Variants in TUBA8 observed in about 807,000 individuals in gnomAD.
The protein encoded by TUBA8 is tubulin alpha 8, also known as tubulin alpha-8 chain.
A neutral mutation model predicts 34.7 loss-of-function variants in TUBA8; 29 were observed. The ratio of observed to expected loss-of-function variants is 0.84; its 90% CI spans 0.62 to 1.14. TUBA8 has a LOEUF of 1.14. TUBA8 is among the 50% of genes most tolerant of loss of function. The probability of loss-of-function intolerance (pLI) is 0.00; values close to 1 mark genes in which losing one functional copy is unlikely to be tolerated. For synonymous variants in TUBA8, 226 were observed against 231.2 expected (o/e 0.98, Z 0.21); for missense variants, 541 against 599.2 (o/e 0.90, Z 1.01).
At position 18,131,430 on chromosome 22, in the gene TUBA8, A is replaced by C; in HGVS notation, c.*294A>C. On this transcript the variant is annotated 3_prime_UTR_variant, in exon 5 of 5. Transcript: ENST00000330423. This position sits in a 1 kb window ranked among gnomAD's most constrained non-coding sequence, Gnocchi z 5.3. ...GCGAGGAGGCCTAATCAGGAGTTTC[A>C]ATTCCAGATCGGGCTGGGTCCAGCC... 2 of 407,504 alleles carry C rather than the reference A, an allele frequency of 4.9e-6. No homozygotes were observed. Among genetic ancestry groups the C allele is most frequent in the Non-Finnish European group, 9.2e-6 (2 of 218,282 alleles). 25.2% of individuals were successfully genotyped at this position (407,504 alleles called of 1,614,324 possible).
chr22:18,117,195 A>G (rs936942987), intron 1 of TUBA8: 1 of 152,200 alleles, frequency 6.6e-6, no homozygotes, highest in African/African-American at 2.4e-5. Context: ...TGATTTTTCC[A>G]TCTGTTATTT....
Position 18,126,232 on chromosome 22 carries a change from C to T in TUBA8, c.376-122C>T. On this transcript the variant is annotated intron_variant, in intron 3 of 4. Transcript: ENST00000330423. The surrounding 1 kb of genome is among the most constrained non-coding windows in gnomAD (Gnocchi z 4.0). Reference sequence around the variant, plus strand: ...CTTTTGTTTCCTTACTTCTTCAAAGCTGTTTTGATTTCATCCACAAAAAAA... The same window carrying T: ...CTTTTGTTTCCTTACTTCTTCAAAGTTGTTTTGATTTCATCCACAAAAAAA... The T allele has an allele frequency of 2.1e-6, 2 of 930,566 alleles. No individual in the cohort carries two copies. Among genetic ancestry groups the T allele is most frequent in the South Asian group, 1.4e-5 (1 of 70,662 alleles). The allele number at this position is 930,566 out of a possible 1,614,324, so 57.6% of individuals were successfully genotyped here. A position where few individuals can be genotyped will look rare whatever the true frequency, so the allele number is the denominator to read the frequency against.
rs902770473 is a variant in TUBA8 at position 18,124,150 on chromosome 22, T to C, written c.227-6T>C. ...GTAGGACCTAATGGTCTTCCTCTCTTGGAAGATGAGGTTCGGGCAGGAACC... is the reference window on the plus strand; with the variant it reads ...GTAGGACCTAATGGTCTTCCTCTCTCGGAAGATGAGGTTCGGGCAGGAACC... On this transcript the variant is annotated splice_region_variant and splice_polypyrimidine_tract_variant and intron_variant, in intron 2 of 4. Coordinates refer to ENST00000330423, the MANE Select transcript of TUBA8 (RefSeq NM_018943.3). The surrounding 1 kb of genome is among the most constrained non-coding windows in gnomAD (Gnocchi z 4.3). 3.1e-6 allele frequency: 5 copies of C among 1,614,010 alleles called. No individual in the cohort carries two copies. The African/African-American group carries it at 6.7e-5, about 22-fold the overall frequency.
chr22:18,124,359 C>G lies in TUBA8; in HGVS notation c.375+55C>G. 1 of 1,575,172 alleles carries G rather than the reference C, an allele frequency of 6.3e-7. No individual in the cohort carries two copies. Among genetic ancestry groups the G allele is most frequent in the Non-Finnish European group, 8.6e-7 (1 of 1,157,932 alleles). Reference sequence around the variant, plus strand: ...GTCAGGCTGGAGTGGACAGGCTTGGCCCCATGCCTCTTTGATCAGGCTAGG... The same window carrying G: ...GTCAGGCTGGAGTGGACAGGCTTGGGCCCATGCCTCTTTGATCAGGCTAGG... On this transcript the variant is annotated intron_variant, in intron 3 of 4. Transcript: ENST00000330423. This position sits in a 1 kb window ranked among gnomAD's most constrained non-coding sequence, Gnocchi z 4.3.
chr22:18,112,227 A>G (rs2123690561), intron 1 of TUBA8: 1 of 152,340 alleles, frequency 6.6e-6, no homozygotes, highest in South Asian at 2.1e-4. Flanking sequence ...CTTAGATTTC[A>G]TTATTTTTAA....
chr22:18,126,714 G>A lies in TUBA8; in HGVS notation c.736G>A (p.Gly246Arg), dbSNP rs185024084. The A allele has an allele frequency of 5.0e-5, 80 of 1,613,970 alleles. No individual in the cohort carries two copies. In the East Asian group the frequency reaches 6.0e-4, roughly 12 times the overall value. Residue 246 changes from glycine (G) to arginine (R), a missense_variant, in exon 4 of 5, where the codon GGG becomes AGG. Transcript: ENST00000330423. This position sits in a 1 kb window ranked among gnomAD's most constrained non-coding sequence, Gnocchi z 4.0. Reference sequence around the variant, plus strand: ...AATCACTGCTTCTCTCCGCTTTGACGGGGCCCTCAATGTGGACCTCACTGA... The same window carrying A: ...AATCACTGCTTCTCTCCGCTTTGACAGGGCCCTCAATGTGGACCTCACTGA... ...SSITASLRFD[G>R]ALNVDLTEFQ...
rs188943196 is a variant in TUBA8, at chr22:18,121,440, C to A, written c.4-39C>A. 1.9e-6 allele frequency: 3 copies of A among 1,576,400 alleles called. No homozygotes were observed. Among genetic ancestry groups the A allele is most frequent in the African/African-American group, 2.7e-5 (2 of 74,308 alleles). ...ATGTAGGGCAAAGGCATGCTGGGGGCCCAGACTCTCTGACCTCGTTGCTTC... is the reference window on the plus strand; with the variant it reads ...ATGTAGGGCAAAGGCATGCTGGGGGACCAGACTCTCTGACCTCGTTGCTTC... On this transcript the variant is annotated intron_variant, in intron 1 of 4. Transcript: ENST00000330423. The surrounding 1 kb of genome is among the most constrained non-coding windows in gnomAD (Gnocchi z 4.8).
chr22:18,115,503 A>T (rs1927939611), intron 1 of TUBA8: 1 of 152,238 alleles, frequency 6.6e-6, no homozygotes, highest in East Asian at 1.9e-4. Flanking sequence ...GGTACTGGGG[A>T]TTCCTTGAGT....
rs892097102 is a variant in TUBA8, at chr22:18,127,013, C to A, written c.1035C>A (p.Asp345Glu). The A allele has an allele frequency of 1.2e-6, 2 of 1,614,002 alleles. No homozygotes were observed. The highest frequency in any genetic ancestry group is 2.7e-5 in the African/African-American group (2 of 74,884). ...CCAAGAGGACCATCCAGTTTGTAGA[C>A]TGGTGTCCCACAGGCTTCAAGGTGA... ...IKTKRTIQFV[D>E]WCPTGFKVGI... The change falls in exon 4 of 5, where the codon GAC (aspartate) becomes GAA (glutamate). Residue 345 changes from aspartate (D) to glutamate (E), a missense_variant. Asp to Glu is a conservative substitution (Grantham distance 45, BLOSUM62 2). Transcript: ENST00000330423.
At position 18,118,549 on chromosome 22, in the gene TUBA8, C is replaced by T. The variant is rs5992178; in HGVS notation, c.4-2930C>T. 2.6e-5 allele frequency: 4 copies of T among 152,222 alleles called. No individual in the cohort carries two copies. The highest frequency in any genetic ancestry group is 9.7e-5 in the African/African-American group (4 of 41,446). The allele number at this position is 152,222 out of a possible 1,614,324, so 9.4% of individuals were successfully genotyped here. A position where few individuals can be genotyped will look rare whatever the true frequency, so the allele number is the denominator to read the frequency against. ...TTCCAGGCTCATCTAGCACACTCCC[C>T]ACCCTGGACCTGGACGCCTCCGTCT... On this transcript the variant is annotated intron_variant, in intron 1 of 4. Transcript: ENST00000330423. This position sits in a 1 kb window ranked among gnomAD's most constrained non-coding sequence, Gnocchi z 4.0.
rs141819958 is a variant in TUBA8, at chr22:18,126,420, G to T, written c.442G>T (p.Gly148Cys). ...CAGTTTTGGTGGGGGCACTGGCTCC[G>T]GCTTCACTTCTCTGCTGATGGAACG... The part of the protein sequence containing the change: ...FHSFGGGTGS[G>C]FTSLLMERLS... The change falls in exon 4 of 5, where the codon GGC (glycine) becomes TGC (cysteine). Residue 148 changes from glycine to cysteine, a missense_variant. Coordinates refer to ENST00000330423, the MANE Select transcript of TUBA8 (RefSeq NM_018943.3). This position sits in a 1 kb window ranked among gnomAD's most constrained non-coding sequence, Gnocchi z 4.0. 1 of 1,614,056 alleles carries T rather than the reference G, an allele frequency of 6.2e-7. No individual in the cohort carries two copies. Among genetic ancestry groups the T allele is most frequent in the Non-Finnish European group, 8.5e-7 (1 of 1,180,000 alleles).
Position 18,126,641 on chromosome 22 carries a change from CCCTACCTATA to C in TUBA8, c.666_675del (p.Tyr224SerfsTer65). 1 of 1,614,116 alleles carries C rather than the reference CCCTACCTATA, an allele frequency of 6.2e-7. No individual in the cohort carries two copies. Among genetic ancestry groups the C allele is most frequent in the South Asian group, 1.1e-5 (1 of 91,060 alleles). On this transcript the variant is annotated frameshift_variant, in exon 4 of 5. Transcript: ENST00000330423. LOFTEE classifies it high-confidence loss of function. This position sits in a 1 kb window ranked among gnomAD's most constrained non-coding sequence, Gnocchi z 4.0. ...GCCGCAGGAACCTTGACATTGAGCG[CCCTACCTATA>C]CCAACCTCAACCGCCTCATCAGTCA... is the stretch of plus-strand genomic sequence containing the variant.
rs200580320 is a variant in TUBA8, at chr22:18,126,488, C to T, written c.510C>T (p.Ala170=). Residue 170 remains alanine, a synonymous_variant, in exon 4 of 5, where the codon GCC becomes GCT. Transcript: ENST00000330423. This position sits in a 1 kb window ranked among gnomAD's most constrained non-coding sequence, Gnocchi z 4.0. ...DYGKKSKLEF[A]IYPAPQVSTA... ...GCAAGAAATCCAAGCTGGAGTTTGC[C>T]ATCTACCCAGCCCCCCAGGTCTCTA... 147 of 1,613,990 alleles carry T rather than the reference C, an allele frequency of 9.1e-5. No individual in the cohort carries two copies. The highest frequency in any genetic ancestry group is 1.2e-4 in the Non-Finnish European group (140 of 1,180,032).
chr22:18,111,185 G>T lies in TUBA8; in HGVS notation c.3+317G>T. On this transcript the variant is annotated intron_variant, in intron 1 of 4. Coordinates refer to ENST00000330423, the MANE Select transcript of TUBA8 (RefSeq NM_018943.3). This position sits in a 1 kb window ranked among gnomAD's most constrained non-coding sequence, Gnocchi z 5.1. ...GCGAGATTCTGGGGTCCCCAGATGG[G>T]CAGCCTGTGGACAGAGTGGAGAGAA... The T allele has an allele frequency of 1.9e-6, 1 of 539,008 alleles. No individual in the cohort carries two copies. Among genetic ancestry groups the T allele is most frequent in the African/African-American group, 1.9e-5 (1 of 51,826 alleles). The allele number at this position is 539,008 out of a possible 1,614,324, so 33.4% of individuals were successfully genotyped here.
Position 18,127,027 on chromosome 22 carries a change from G to A in TUBA8, c.1049G>A (p.Gly350Asp), listed in dbSNP as rs1289971994. The change falls in exon 4 of 5, where the codon GGC (glycine) becomes GAC (aspartate). Residue 350 changes from glycine to aspartate, a missense_variant. Coordinates refer to ENST00000330423, the MANE Select transcript of TUBA8 (RefSeq NM_018943.3). ...TIQFVDWCPT[G>D]FKVGINYQPP... Reference sequence around the variant, plus strand: ...CAGTTTGTAGACTGGTGTCCCACAGGCTTCAAGGTGAGAGCTGATGACTTA... The same window carrying A: ...CAGTTTGTAGACTGGTGTCCCACAGACTTCAAGGTGAGAGCTGATGACTTA... 1.2e-6 allele frequency: 2 copies of A among 1,614,150 alleles called. No individual in the cohort carries two copies. The highest frequency in any genetic ancestry group is 8.5e-7 in the Non-Finnish European group (1 of 1,180,038).
At chr22:18,120,068 T>C (rs952621933) in intron 1 of TUBA8, 12 of 152,156 alleles carry the variant, frequency 7.9e-5, no homozygotes, top group African/African-American at 2.9e-4. Context: ...CTATCACGCC[T>C]ACGTGTGCAC....
Position 18,118,304 on chromosome 22 carries a change from C to G in TUBA8, c.4-3175C>G, listed in dbSNP as rs992993923. The G allele has an allele frequency of 2.0e-5, 3 of 152,198 alleles. No homozygotes were observed. Among genetic ancestry groups the G allele is most frequent in the African/African-American group, 7.2e-5 (3 of 41,456 alleles). The allele number at this position is 152,198 out of a possible 1,614,324, so 9.4% of individuals were successfully genotyped here. On this transcript the variant is annotated intron_variant, in intron 1 of 4. Coordinates refer to ENST00000330423, the MANE Select transcript of TUBA8 (RefSeq NM_018943.3). The surrounding 1 kb of genome is among the most constrained non-coding windows in gnomAD (Gnocchi z 4.0). ...CATTCTTCAATTAAAGAAAAAAGAG[C>G]CTTCTCTAACTAACGGGGCTGTCTG...
chr22:18,111,122 G>C lies in TUBA8; in HGVS notation c.3+254G>C, dbSNP rs568797813. 5.2e-5 allele frequency: 31 copies of C among 596,458 alleles called. No homozygotes were observed. The highest frequency in any genetic ancestry group is 3.3e-4 in the Admixed American group (11 of 33,826). 36.9% of individuals were successfully genotyped at this position (596,458 alleles called of 1,614,324 possible). On this transcript the variant is annotated intron_variant, in intron 1 of 4. Coordinates refer to ENST00000330423, the MANE Select transcript of TUBA8 (RefSeq NM_018943.3). This position sits in a 1 kb window ranked among gnomAD's most constrained non-coding sequence, Gnocchi z 5.1. ...CTAAGGGAGCTTTGCGTGCAGACGA[G>C]GGGGAGGGAGGCCCTGGGGAGCCCG...
chr22:18,121,937 T>C lies in TUBA8; in HGVS notation c.226+236T>C. On this transcript the variant is annotated intron_variant, in intron 2 of 4. Transcript: ENST00000330423. The surrounding 1 kb of genome is among the most constrained non-coding windows in gnomAD (Gnocchi z 4.8). Reference sequence around the variant, plus strand: ...TGCCTCCCACTTCAACCCCAAAACCTGCGGCACCAGGTCAAAATGGTCACA... The same window carrying C: ...TGCCTCCCACTTCAACCCCAAAACCCGCGGCACCAGGTCAAAATGGTCACA... 1.8e-6 allele frequency: 1 copy of C among 545,340 alleles called. No homozygotes were observed. The highest frequency in any genetic ancestry group is 3.3e-6 in the Non-Finnish European group (1 of 303,978). 33.8% of individuals were successfully genotyped at this position (545,340 alleles called of 1,614,324 possible). A position where few individuals can be genotyped will look rare whatever the true frequency, so the allele number is the denominator to read the frequency against.
Sources: gnomAD v4.1 joint callset for allele counts on GRCh38, gnomAD v4.1.1 for gene constraint, Gnocchi (gnomAD v3.1) non-coding constraint, MANE v1.5 for transcripts, NCBI Gene and HGNC (gene_info 2026-07-23, HGNC 2026-07-21) for gene names.